The following NKAIN2 variants were observed in gnomAD, a reference collection of about 807,000 sequenced individuals.
NKAIN2 encodes sodium/potassium transporting ATPase interacting 2, also known as sodium/potassium-transporting ATPase subunit beta-1-interacting protein 2.
In NKAIN2, 14 loss-of-function variants were observed where a neutral mutation model predicts 32.6. The observed-to-expected ratio is 0.43, with a 90% CI of 0.28 to 0.67. The LOEUF (loss-of-function observed/expected upper bound fraction) is 0.67, where lower values mean the gene tolerates loss of function less well. Ranked by LOEUF, NKAIN2 falls within the 30% of genes least tolerant of loss-of-function variation. The pLI, the probability that NKAIN2 is intolerant of heterozygous loss-of-function variation, is 0.17. For synonymous variants in NKAIN2, 80 were observed against 87.2 expected, an observed-to-expected ratio of 0.92 and a Z score of 0.46; for missense variants, 198 against 258.3, an observed-to-expected ratio of 0.77 and a Z score of 1.60.
intron 3 of NKAIN2, among the ~76,000 whole-genome samples, chr6:124,595,624 T>G (rs774696954): frequency 7.2e-5 from 11 of 151,836 alleles, no homozygotes; most frequent in Non-Finnish European, 1.5e-4. Flanking sequence ...CAAGACAATG[T>G]AAAATTCACT....
chr6:124,012,779 T>C (rs1780395596), intron 1 of NKAIN2, among the ~76,000 whole-genome samples: 1 of 152,208 alleles, frequency 6.6e-6, no homozygotes, highest in African/African-American at 2.4e-5. Context: ...TTTTACAAAA[T>C]TAGCTACTGT....
chr6:124,290,503 C>T (rs1346160628), intron 2 of NKAIN2, among the ~76,000 whole-genome samples: 5 of 141,366 alleles, frequency 3.5e-5, no homozygotes, highest in African/African-American at 5.4e-5. Flanking sequence ...CTGGGGTTAC[C>T]TCAGAAATGT....
Position 124,503,121 on chromosome 6 carries a change from G to A in NKAIN2, c.273+147774G>A, listed in dbSNP as rs143476381. ...CTTGTTTTTTTAGTCTTCACTTTAC[G>A]TTTTCTACACATAAATGCTGCACAA... On this transcript the variant is annotated intron_variant, in intron 3 of 6. Transcript: ENST00000368417. 2.2e-3 allele frequency among the ~76,000 whole-genome samples: 333 copies of A among 151,926 alleles called. 2 individuals are homozygous for A. The highest frequency in any genetic ancestry group is 0.014 in the Middle Eastern group (4 of 294).
chr6:124,110,139 CTT>C (rs201686423), intron 1 of NKAIN2, among the ~76,000 whole-genome samples: 11 of 135,488 alleles, frequency 8.1e-5, no homozygotes, highest in East Asian at 2.1e-4. Flanking sequence ...CCCTCATTTT[CTT>C]TTTTTTTTTT....
Position 124,584,450 on chromosome 6 carries a change from G to C in NKAIN2, c.274-73736G>C, listed in dbSNP as rs180754822. On this transcript the variant is annotated intron_variant, in intron 3 of 6. Transcript: ENST00000368417. ...ATGGATCACCTGAGGTCAGGAGTTC[G>C]AGATCAGCCTGGCCAACATTGTGGA... Among the ~76,000 whole-genome samples, 153 of 152,124 alleles carry C rather than the reference G, an allele frequency of 1.0e-3. 1 individual carries two copies. Among genetic ancestry groups the C allele is most frequent in the Admixed American group, 7.5e-3 (114 of 15,284 alleles).
intron 1 of NKAIN2, among the ~76,000 whole-genome samples, chr6:124,072,873 A>T (rs1231402092): frequency 6.6e-6 from 1 of 152,100 alleles, no homozygotes; most frequent in African/African-American, 2.4e-5. Flanking sequence ...CCTTGCTTTC[A>T]TGGAATATAT....
intron 3 of NKAIN2, among the ~76,000 whole-genome samples, chr6:124,626,783 G>A (rs1783367325): frequency 6.6e-6 from 1 of 152,058 alleles, no homozygotes; most frequent in South Asian, 2.1e-4. Context: ...TTCCTGAAGG[G>A]GTAAGTGGGG....
At chr6:124,473,431 A>G (rs969606738) in intron 3 of NKAIN2, among the ~76,000 whole-genome samples, 3 of 152,110 alleles carry the variant, frequency 2.0e-5, no homozygotes, top group East Asian at 1.9e-4. Flanking sequence ...AGATATACAG[A>G]TTGTGTTTTT....
At chr6:123,920,443 A>G (rs1390906394) in intron 1 of NKAIN2, among the ~76,000 whole-genome samples, 2 of 152,092 alleles carry the variant, frequency 1.3e-5, no homozygotes, top group Non-Finnish European at 2.9e-5. Flanking sequence ...TTTCATTACT[A>G]TTTCATTTTC....
intron 1 of NKAIN2, among the ~76,000 whole-genome samples, chr6:124,266,362 C>T (rs1248763086): frequency 6.6e-6 from 1 of 152,246 alleles, no homozygotes; most frequent in Middle Eastern, 3.4e-3. Flanking sequence ...ACTTTAGCCT[C>T]GACTTCTTGA....
chr6:123,848,359 T>G (rs1775178762), intron 1 of NKAIN2, among the ~76,000 whole-genome samples: 1 of 152,208 alleles, frequency 6.6e-6, no homozygotes, highest in Admixed American at 6.5e-5. Flanking sequence ...AATCTCATCT[T>G]GAATTGTAGT....
chr6:124,158,265 C>T (rs1267917733), intron 1 of NKAIN2, among the ~76,000 whole-genome samples: 1 of 152,044 alleles, frequency 6.6e-6, no homozygotes, highest in Admixed American at 6.6e-5. Flanking sequence ...ATCACCTCTT[C>T]TTATAAGGAT....
At chr6:123,957,196 A>T (rs926691510) in intron 1 of NKAIN2, among the ~76,000 whole-genome samples, 2 of 152,208 alleles carry the variant, frequency 1.3e-5, no homozygotes, top group African/African-American at 4.8e-5. Flanking sequence ...ATGAAAGCAC[A>T]GCATAGTATA....
intron 3 of NKAIN2, among the ~76,000 whole-genome samples, chr6:124,372,936 T>C (rs1438282366): frequency 6.6e-6 from 1 of 152,190 alleles, no homozygotes; most frequent in Non-Finnish European, 1.5e-5. Flanking sequence ...GTTTGGATAT[T>C]GTTCTAAGTG....
chr6:124,783,371 C>T (rs1314369152), intron 4 of NKAIN2, among the ~76,000 whole-genome samples: 1 of 152,130 alleles, frequency 6.6e-6, no homozygotes, highest in Admixed American at 6.6e-5. Flanking sequence ...TACCAGTTTG[C>T]ATGTATGTCT....
intron 1 of NKAIN2, among the ~76,000 whole-genome samples, chr6:123,840,823 A>G (rs1455849049): frequency 6.6e-6 from 1 of 152,100 alleles, no homozygotes; most frequent in Non-Finnish European, 1.5e-5. Context: ...TACACTTGAT[A>G]TTTTTATAGT....
At chr6:124,425,005 C>T (rs1407423665) in intron 3 of NKAIN2, among the ~76,000 whole-genome samples, 1 of 151,964 alleles carries the variant, frequency 6.6e-6, no homozygotes, top group Non-Finnish European at 1.5e-5. Context: ...ATGGCTATAC[C>T]AATTAACATT....
At chr6:124,729,741 T>C (rs1426702719) in intron 4 of NKAIN2, among the ~76,000 whole-genome samples, 1 of 151,408 alleles carries the variant, frequency 6.6e-6, no homozygotes, top group Non-Finnish European at 1.5e-5. Context: ...ATAAAGGGTA[T>C]TCAATTAGGA....
chr6:124,022,765 C>T (rs1453683735), intron 1 of NKAIN2, among the ~76,000 whole-genome samples: 1 of 152,076 alleles, frequency 6.6e-6, no homozygotes, highest in Admixed American at 6.6e-5. Flanking sequence ...TAATAAGATC[C>T]AATTATAGCT....
Sources: allele counts gnomAD v4.1 joint callset (sites outside exome capture counted in the v4.1 genomes callset), GRCh38; gene constraint gnomAD v4.1.1; transcripts MANE v1.5; gene names NCBI Gene and HGNC (gene_info 2026-07-23, HGNC 2026-07-21).